Variants in HMGB1 observed in about 807,000 individuals in gnomAD.
HMGB1 encodes the protein high mobility group protein B1.
For synonymous variants in HMGB1, 81 were observed against 84.0 expected (o/e 0.96, Z 0.19); for missense variants, 79 against 253.5 (o/e 0.31, Z 4.67).
Position 30,465,064 on chromosome 13 carries a change from A to T in HMGB1, c.-15+732T>A, listed in dbSNP as rs1886678074. 4 of 789,262 alleles carry T rather than the reference A, an allele frequency of 5.1e-6. No individual in the cohort carries two copies. The South Asian group carries it at 2.3e-4, about 45-fold the overall frequency. 48.9% of individuals were successfully genotyped at this position (789,262 alleles called of 1,614,324 possible). On this transcript the variant is annotated intron_variant, in intron 1 of 4. Transcript: ENST00000341423. ...GGGCTGTGAAAAGAGAGAGGAAAAAAAAAGTTGCCTCGGAACTGCTGCGCC... is the reference window on the plus strand; with the variant it reads ...GGGCTGTGAAAAGAGAGAGGAAAAATAAAGTTGCCTCGGAACTGCTGCGCC...
chr13:30,502,183 A>G (rs1887748422), intron 1 of HMGB1, among the ~76,000 whole-genome samples: 1 of 152,176 alleles, frequency 6.6e-6, no homozygotes, highest in Non-Finnish European at 1.5e-5. Flanking sequence ...GTTATTATGT[A>G]CTCCACTTGG....
At chr13:30,513,167 C>CA (rs112751570) in intron 1 of HMGB1, among the ~76,000 whole-genome samples, 189 of 151,134 alleles carry the variant, frequency 1.3e-3, no homozygotes, top group African/African-American at 4.0e-3. Context: ...GACTGCATCT[C>CA]AAAAAAAACA....
upstream of HMGB1, among the ~76,000 whole-genome samples, chr13:30,469,460 T>G (rs1341031408): frequency 2.5e-5 from 3 of 120,630 alleles, 1 homozygote; most frequent in Non-Finnish European, 5.8e-5. Flanking sequence ...GAACTCTGTA[T>G]TTTTTGTTTT....
intron 1 of HMGB1, among the ~76,000 whole-genome samples, chr13:30,518,900 ATTTTAT>A (rs1210215538): frequency 6.8e-6 from 1 of 147,138 alleles, no homozygotes. Flanking sequence ...TTTTTATTTT[ATTTTAT>A]TTTTATTTTT....
intron 1 of HMGB1, among the ~76,000 whole-genome samples, chr13:30,479,715 T>C (rs1307637121): frequency 6.6e-6 from 1 of 152,166 alleles, no homozygotes; most frequent in Non-Finnish European, 1.5e-5. Context: ...TTCCATAAAA[T>C]GATGATATCA....
intron 1 of HMGB1, among the ~76,000 whole-genome samples, chr13:30,474,951 C>CTTTTTTTTTT (rs1887041427): frequency 7.1e-5 from 2 of 28,094 alleles, no homozygotes; most frequent in African/African-American, 1.4e-4. Context: ...TTTTTCTTTT[C>CTTTTTTTTTT]TTTTTTTGTT....
chr13:30,612,561 A>C (rs1291137756), intron 1 of HMGB1, among the ~76,000 whole-genome samples: 2 of 152,206 alleles, frequency 1.3e-5, no homozygotes, highest in Admixed American at 1.3e-4. Flanking sequence ...TATTGTTTCT[A>C]CCACTTCTCC....
chr13:30,595,528 C>T (rs141527421), intron 1 of HMGB1, among the ~76,000 whole-genome samples: 4 of 152,136 alleles, frequency 2.6e-5, no homozygotes, highest in South Asian at 2.1e-4. Flanking sequence ...TCTATTGCTG[C>T]GTAGCATATT....
intron 1 of HMGB1, among the ~76,000 whole-genome samples, chr13:30,548,896 A>G (rs1026618478): frequency 6.6e-6 from 1 of 152,210 alleles, no homozygotes. Flanking sequence ...GACAGCTGGA[A>G]GCGGTCCCTA....
At chr13:30,498,229 A>G (rs1234221876) in intron 1 of HMGB1, among the ~76,000 whole-genome samples, 1 of 152,196 alleles carries the variant, frequency 6.6e-6, no homozygotes, top group Non-Finnish European at 1.5e-5. Flanking sequence ...CTGAAGCAGG[A>G]CAATCACTTA....
intron 1 of HMGB1, among the ~76,000 whole-genome samples, chr13:30,533,235 C>T (rs1888537137): frequency 6.6e-6 from 1 of 152,214 alleles, no homozygotes; most frequent in Non-Finnish European, 1.5e-5. Flanking sequence ...AGCCTGGGGA[C>T]ATTTGTGAAA....
intron 1 of HMGB1, among the ~76,000 whole-genome samples, chr13:30,564,905 T>C (rs1870125582): frequency 6.6e-6 from 1 of 152,218 alleles, no homozygotes; most frequent in Admixed American, 6.5e-5. Context: ...AATGAGTTGA[T>C]AATGTGTAAC....
At chr13:30,491,482 G>A (rs993424535) in intron 1 of HMGB1, among the ~76,000 whole-genome samples, 4 of 148,284 alleles carry the variant, frequency 2.7e-5, no homozygotes, top group African/African-American at 1.1e-4. Context: ...GGGCAACATG[G>A]CAAAACCCCA....
At chr13:30,615,380 A>G (rs536008218) in intron 1 of HMGB1, among the ~76,000 whole-genome samples, 175 of 152,352 alleles carry the variant, frequency 1.1e-3, no homozygotes, top group African/African-American at 3.8e-3. Context: ...ACAATTTTTA[A>G]GTGTTACAGG....
At position 30,459,148 on chromosome 13, in the gene HMGB1, AATC is replaced by A. The variant is rs1288791709; in HGVS notation, c.*2206_*2208del. 5 of 151,270 alleles carry A rather than the reference AATC, an allele frequency of 3.3e-5. No homozygotes were observed. The highest frequency in any genetic ancestry group is 2.1e-4 in the South Asian group (1 of 4,810). The allele number at this position is 151,270 out of a possible 1,614,324, so 9.4% of individuals were successfully genotyped here. On this transcript the variant is annotated 3_prime_UTR_variant, in exon 5 of 5. Coordinates refer to ENST00000341423, the MANE Select transcript of HMGB1 (RefSeq NM_002128.7). ...TAGTTTCTATACACTTTCTAAAAAA[AATC>A]ATCTTCAGTTACAAGGCTTTACACT...
chr13:30,586,925 C>G (rs1329812302), intron 1 of HMGB1, among the ~76,000 whole-genome samples: 1 of 152,070 alleles, frequency 6.6e-6, no homozygotes, highest in Non-Finnish European at 1.5e-5. Flanking sequence ...TTCTTATATT[C>G]ATATATTGAA....
intron 1 of HMGB1, among the ~76,000 whole-genome samples, chr13:30,586,847 T>C (rs140303817): frequency 6.6e-6 from 1 of 152,248 alleles, no homozygotes; most frequent in East Asian, 1.9e-4. Context: ...ACTTAATGTG[T>C]TCAAAATAAA....
At chr13:30,585,547 G>A (rs1485843884) in intron 1 of HMGB1, among the ~76,000 whole-genome samples, 6 of 151,472 alleles carry the variant, frequency 4.0e-5, no homozygotes, top group East Asian at 2.0e-4. Flanking sequence ...GAGTGGTGGC[G>A]CATGCCTGTA....
At chr13:30,614,915 T>A (rs1307452153) in intron 1 of HMGB1, among the ~76,000 whole-genome samples, 2 of 151,596 alleles carry the variant, frequency 1.3e-5, no homozygotes, top group African/African-American at 4.8e-5. Flanking sequence ...TTTCACCATC[T>A]TGGCCAGGCT....
Sources: gnomAD v4.1 joint callset for allele counts (sites outside exome capture counted in the v4.1 genomes callset) on GRCh38, gnomAD v4.1.1 for gene constraint, MANE v1.5 for transcripts, NCBI Gene and HGNC (gene_info 2026-07-23, HGNC 2026-07-21) for gene names.